The following VARS2 variants were observed in gnomAD, a reference collection of about 807,000 sequenced individuals.
VARS2 encodes valyl-tRNA synthetase 2, mitochondrial, also known as valine--tRNA ligase, mitochondrial.
In VARS2, 105 loss-of-function variants were observed where a neutral mutation model predicts 154.1. That is an observed-to-expected ratio of 0.68 (90% CI 0.58 to 0.80). The LOEUF is 0.80. VARS2 is among the 30% of genes least tolerant of loss of function. The probability of loss-of-function intolerance (pLI) is 0.00; values close to 1 mark genes in which losing one functional copy is unlikely to be tolerated. For synonymous variants in VARS2, 483 were observed against 539.5 expected (o/e 0.90, Z 1.45); for missense variants, 1,157 against 1,361.4 (o/e 0.85, Z 2.36).
Position 30,925,260 on chromosome 6 carries a change from C to T in VARS2, c.2674-14C>T. ...GGAGCCCCTTTGCCAATTCTGGGTC[C>T]CCCCCATTGCCAGGAGCACTGGCGC... On this transcript the variant is annotated splice_polypyrimidine_tract_variant and intron_variant, in intron 26 of 29. Coordinates refer to ENST00000676266, the MANE Select transcript of VARS2 (RefSeq NM_020442.6). 1.2e-6 allele frequency: 2 copies of T among 1,603,540 alleles called. No homozygotes were observed. The highest frequency in any genetic ancestry group is 8.5e-7 in the Non-Finnish European group (1 of 1,175,482).
chr6:30,919,591 C>T lies in VARS2; in HGVS notation c.1075-167C>T, dbSNP rs536666874. On this transcript the variant is annotated intron_variant, in intron 11 of 29. Transcript: ENST00000676266. This position sits in a 1 kb window ranked among gnomAD's most constrained non-coding sequence, Gnocchi z 4.5. ...CTGAGAATGAATTTGTCTCTAGGCC[C>T]AAAAGCCTAAAATATCTACATTCTG... 28 of 515,448 alleles carry T rather than the reference C, an allele frequency of 5.4e-5. No homozygotes were observed. Among genetic ancestry groups the T allele is most frequent in the African/African-American group, 4.4e-4 (23 of 51,900 alleles). 31.9% of individuals were successfully genotyped at this position (515,448 alleles called of 1,614,324 possible).
rs753948258 is a variant in VARS2 at position 30,920,186 on chromosome 6, C to T, written c.1263C>T (p.Thr421=). Residue 421 remains threonine (T), a synonymous_variant, in exon 13 of 30, where the codon ACC becomes ACT. Coordinates refer to ENST00000676266, the MANE Select transcript of VARS2 (RefSeq NM_020442.6). This position sits in a 1 kb window ranked among gnomAD's most constrained non-coding sequence, Gnocchi z 4.6. Reference sequence around the variant, plus strand: ...TGAATGTCATTGCGGAGGATGGGACCATGACCTCCCTCTGCGGGGACTGGC... The same window carrying T: ...TGAATGTCATTGCGGAGGATGGGACTATGACCTCCCTCTGCGGGGACTGGC... ...SPLNVIAEDG[T]MTSLCGDWLQ... is the part of the protein sequence containing the mutation. 9 of 1,590,026 alleles carry T rather than the reference C, an allele frequency of 5.7e-6. 1 individual carries two copies. Among genetic ancestry groups the T allele is most frequent in the Admixed American group, 3.5e-5 (2 of 57,366 alleles).
Position 30,916,481 on chromosome 6 carries a change from T to G in VARS2, c.671+232T>G. On this transcript the variant is annotated intron_variant, in intron 7 of 29. Coordinates refer to ENST00000676266, the MANE Select transcript of VARS2 (RefSeq NM_020442.6). This position sits in a 1 kb window ranked among gnomAD's most constrained non-coding sequence, Gnocchi z 4.0. ...GTGTGTGTGTGTGTGTGTGTGTATTTATATATATATATATATTTTCTTTCT... is the reference window on the plus strand; with the variant it reads ...GTGTGTGTGTGTGTGTGTGTGTATTGATATATATATATATATTTTCTTTCT... The G allele has an allele frequency of 4.7e-6, 1 of 214,920 alleles. No homozygotes were observed. The highest frequency in any genetic ancestry group is 7.7e-6 in the Non-Finnish European group (1 of 130,016). 13.3% of individuals were successfully genotyped at this position (214,920 alleles called of 1,614,324 possible). A position where few individuals can be genotyped will look rare whatever the true frequency, so the allele number is the denominator to read the frequency against.
Position 30,920,737 on chromosome 6 carries a change from C to T in VARS2, c.1467C>T (p.Ala489=), listed in dbSNP as rs1203546105. 1 of 1,596,366 alleles carries T rather than the reference C, an allele frequency of 6.3e-7. No individual in the cohort carries two copies. Among genetic ancestry groups the T allele is most frequent in the South Asian group, 1.1e-5 (1 of 88,018 alleles). Residue 489 remains alanine, a synonymous_variant, in exon 15 of 30, where the codon GCC becomes GCT. Transcript: ENST00000676266. The surrounding 1 kb of genome is among the most constrained non-coding windows in gnomAD (Gnocchi z 4.6). ...QWFVRCQEMG[A]RAAKAVESGA... is the part of the protein sequence containing the mutation. The stretch of plus-strand genomic sequence containing the variant: ...TTGTCCGCTGCCAGGAAATGGGGGC[C>T]CGAGCTGCCAAGGTGAGGCTGCAGT...
Position 30,925,529 on chromosome 6 carries a change from T to A in VARS2, c.2786-15T>A. 6.4e-7 allele frequency: 1 copy of A among 1,565,910 alleles called. No homozygotes were observed. Among genetic ancestry groups the A allele is most frequent in the Non-Finnish European group, 8.6e-7 (1 of 1,160,056 alleles). On this transcript the variant is annotated splice_polypyrimidine_tract_variant and intron_variant, in intron 27 of 29. Transcript: ENST00000676266. Reference sequence around the variant, plus strand: ...GGAGCTGAGGCCTTGCCCCTGACAGTTTCTTTCTTTCCAGTGCTGCTGCAG... The same window carrying A: ...GGAGCTGAGGCCTTGCCCCTGACAGATTCTTTCTTTCCAGTGCTGCTGCAG...
rs2532942 is a variant in VARS2, at chr6:30,924,545, C to T, written c.2658C>T (p.Pro886=). 0.33 allele frequency: 511,858 copies of T among 1,534,466 alleles called. 89,106 individuals carry two copies. The highest frequency in any genetic ancestry group is 0.36 in the Non-Finnish European group (405,346 of 1,133,678). The change falls in exon 26 of 30, where the codon CCC becomes CCT. Residue 886 remains proline, a synonymous_variant. Coordinates refer to ENST00000676266, the MANE Select transcript of VARS2 (RefSeq NM_020442.6). ...PAPSISVAPY[P]SACSLEHWRQ... Reference sequence around the variant, plus strand: ...CCAGCATCTCGGTTGCCCCCTACCCCAGCGCCTGCAGCTTGGTGAGTCCCA... The same window carrying T: ...CCAGCATCTCGGTTGCCCCCTACCCTAGCGCCTGCAGCTTGGTGAGTCCCA...
Position 30,916,787 on chromosome 6 carries a change from C to A in VARS2, c.672-91C>A. On this transcript the variant is annotated intron_variant, in intron 7 of 29. Transcript: ENST00000676266. This position sits in a 1 kb window ranked among gnomAD's most constrained non-coding sequence, Gnocchi z 4.0. ...AATGCCATCCTCACTTGATTTTCCTCCAACACCTGGCATTGCTGGGGGCAT... is the reference window on the plus strand; with the variant it reads ...AATGCCATCCTCACTTGATTTTCCTACAACACCTGGCATTGCTGGGGGCAT... 7.6e-7 allele frequency: 1 copy of A among 1,323,770 alleles called. No homozygotes were observed. The highest frequency in any genetic ancestry group is 1.1e-6 in the Non-Finnish European group (1 of 918,712). The allele number at this position is 1,323,770 out of a possible 1,614,324, so 82.0% of individuals were successfully genotyped here. A position where few individuals can be genotyped will look rare whatever the true frequency, so the allele number is the denominator to read the frequency against.
At position 30,915,951 on chromosome 6, in the gene VARS2, G is replaced by A. The variant is rs545843798; in HGVS notation, c.507-30G>A. 5 of 1,614,162 alleles carry A rather than the reference G, an allele frequency of 3.1e-6. No homozygotes were observed. In the East Asian group the frequency reaches 6.7e-5, roughly 22 times the overall value. On this transcript the variant is annotated intron_variant, in intron 5 of 29. Coordinates refer to ENST00000676266, the MANE Select transcript of VARS2 (RefSeq NM_020442.6). ...GAGTGAGGATAAACATTTAAGCTCAGGGGCTCACAGGAGGGCATTTTTGTT... is the reference window on the plus strand; with the variant it reads ...GAGTGAGGATAAACATTTAAGCTCAAGGGCTCACAGGAGGGCATTTTTGTT...
intron 22 of VARS2, 25 bp downstream of exon 22, chr6:30,922,799 A>C: frequency 6.3e-7 from 1 of 1,595,446 alleles, no homozygotes; most frequent in Non-Finnish European, 8.6e-7. Context: ...CCTGCCCCCC[A>C]CCAGCTCTAG....
Position 30,920,528 on chromosome 6 carries a change from C to A in VARS2, c.1397+92C>A. The stretch of plus-strand genomic sequence containing the variant: ...CAATAGGATGGGCTCTGCACCCCTC[C>A]GTTAGAATACGAGCTCCGTGTCGGT... On this transcript the variant is annotated intron_variant, in intron 14 of 29. Coordinates refer to ENST00000676266, the MANE Select transcript of VARS2 (RefSeq NM_020442.6). This position sits in a 1 kb window ranked among gnomAD's most constrained non-coding sequence, Gnocchi z 4.6. 7.3e-7 allele frequency: 1 copy of A among 1,374,088 alleles called. No homozygotes were observed. The highest frequency in any genetic ancestry group is 9.9e-7 in the Non-Finnish European group (1 of 1,013,792). 85.1% of individuals were successfully genotyped at this position (1,374,088 alleles called of 1,614,324 possible).
At position 30,922,791 on chromosome 6, in the gene VARS2, TG is replaced by T; in HGVS notation, c.2106+18del. The T allele has an allele frequency of 3.1e-6, 5 of 1,602,000 alleles. No individual in the cohort carries two copies. The highest frequency in any genetic ancestry group is 3.4e-6 in the Non-Finnish European group (4 of 1,172,550). On this transcript the variant is annotated intron_variant, in intron 22 of 29. Coordinates refer to ENST00000676266, the MANE Select transcript of VARS2 (RefSeq NM_020442.6). ...GCAGCACAGGTGAGTCATCGCTGCC[TG>T]CCCCCCACCAGCTCTAGCTCACCAC... is the stretch of plus-strand genomic sequence containing the variant.
rs1794175100 is a variant in VARS2 at position 30,916,452 on chromosome 6, T to TCG, written c.671+204_671+205dup. 2.1e-6 allele frequency: 1 copy of TCG among 469,352 alleles called. No individual in the cohort carries two copies. The allele number at this position is 469,352 out of a possible 1,614,324, so 29.1% of individuals were successfully genotyped here. ...GGATATTATATATGCATTAGAATAT[T>TCG]CGTGTGTGTGTGTGTGTGTGTGTGT... On this transcript the variant is annotated intron_variant, in intron 7 of 29. Coordinates refer to ENST00000676266, the MANE Select transcript of VARS2 (RefSeq NM_020442.6). This position sits in a 1 kb window ranked among gnomAD's most constrained non-coding sequence, Gnocchi z 4.0.
At position 30,925,804 on chromosome 6, in the gene VARS2, G is replaced by C. The variant is rs956831838; in HGVS notation, c.2962-76G>C. ...AGGGGCTGGGCTCTATAAAGTAGGG[G>C]AAGGGACCTTCTAATGGAGGATGGA... On this transcript the variant is annotated intron_variant, in intron 28 of 29. Transcript: ENST00000676266. 8 of 1,610,954 alleles carry C rather than the reference G, an allele frequency of 5.0e-6. No individual in the cohort carries two copies. The African/African-American group carries it at 1.1e-4, about 22-fold the overall frequency.
At position 30,920,010 on chromosome 6, in the gene VARS2, G is replaced by A. The variant is rs376893785; in HGVS notation, c.1166-79G>A. The A allele has an allele frequency of 2.1e-5, 32 of 1,502,060 alleles. No homozygotes were observed. In the African/African-American group the frequency reaches 3.4e-4, roughly 16 times the overall value. The allele number at this position is 1,502,060 out of a possible 1,614,324, so 93.0% of individuals were successfully genotyped here. A position where few individuals can be genotyped will look rare whatever the true frequency, so the allele number is the denominator to read the frequency against. Reference sequence around the variant, plus strand: ...CAGAGAAAGTCGCAGGGGCTGGGGCGGTGCAGGTGATGATGATACATCTGG... The same window carrying A: ...CAGAGAAAGTCGCAGGGGCTGGGGCAGTGCAGGTGATGATGATACATCTGG... On this transcript the variant is annotated intron_variant, in intron 12 of 29. Transcript: ENST00000676266. The surrounding 1 kb of genome is among the most constrained non-coding windows in gnomAD (Gnocchi z 4.6).
In VARS2 at chr6:30,914,295, C is replaced by G; in HGVS notation, c.-77C>G. ...TTCCAGGGTCGGGTTTGGTGGATTC[C>G]TCAGTCCCTGCCGCCGCGGGGCGCC... On this transcript the variant is annotated 5_prime_UTR_variant, in exon 1 of 30. Transcript: ENST00000676266. 1 of 1,067,216 alleles carries G rather than the reference C, an allele frequency of 9.4e-7. No individual in the cohort carries two copies. The highest frequency in any genetic ancestry group is 1.2e-6 in the Non-Finnish European group (1 of 833,972). The allele number at this position is 1,067,216 out of a possible 1,614,324, so 66.1% of individuals were successfully genotyped here.
At chr6:30,925,764 T>C in intron 28 of VARS2, 45 bp downstream of exon 28, 14 of 1,610,406 alleles carry the variant, frequency 8.7e-6, no homozygotes, top group Non-Finnish European at 1.2e-5. Context: ...TTGGGAAGCA[T>C]GCTGGGAGGA....
At chr6:30,915,298 G>A in intron 3 of VARS2, 57 bp from the exon 4 acceptor site, 2 of 1,612,650 alleles carry the variant, frequency 1.2e-6, no homozygotes, top group Non-Finnish European at 1.7e-6. Context: ...TTGGCCTGCC[G>A]AAATGCAGCC....
chr6:30,922,039 G>A, intron 19 of VARS2, 44 bp downstream of exon 19: 2 of 1,612,964 alleles, frequency 1.2e-6, no homozygotes, highest in Non-Finnish European at 1.7e-6. Flanking sequence ...AAACGATAAG[G>A]AAGGGATGGC....
At chr6:30,925,147 G>T in intron 26 of VARS2, 127 bp from the exon 27 acceptor site, 1 of 549,388 alleles carries the variant, frequency 1.8e-6, no homozygotes. Context: ...TGGATTTTCT[G>T]TGGTGCTGAG....
Sources: gnomAD v4.1 joint callset for allele counts on GRCh38, gnomAD v4.1.1 for gene constraint, Gnocchi (gnomAD v3.1) non-coding constraint, MANE v1.5 for transcripts, NCBI Gene and HGNC (gene_info 2026-07-23, HGNC 2026-07-21) for gene names.